C17orf58: variants seen among roughly 807,000 people sequenced by gnomAD.
The protein encoded by C17orf58 is UPF0450 protein C17orf58.
Under a neutral mutation model 7.4 loss-of-function variants are expected in C17orf58, and 5 were observed. The ratio of observed to expected loss-of-function variants is 0.67; its 90% CI spans 0.35 to 1.42. The LOEUF (loss-of-function observed/expected upper bound fraction) is 1.42, where lower values mean the gene tolerates loss of function less well. C17orf58 is among the 40% of genes most tolerant of loss of function. The pLI is 0.04. For synonymous variants in C17orf58, 60 were observed against 70.6 expected, an observed-to-expected ratio of 0.85 and a Z score of 0.75; for missense variants, 162 against 174.2, an observed-to-expected ratio of 0.93 and a Z score of 0.40.
At chr17:67,995,261 GT>G (rs1162995642) in intron 1 of C17orf58, among the ~76,000 whole-genome samples, 1 of 152,194 alleles carries the variant, frequency 6.6e-6, no homozygotes, top group Admixed American at 6.5e-5. Context: ...TTGTTAAACG[GT>G]TGTGCCATGC....
At chr17:67,994,111 G>A (rs1275394554) in intron 1 of C17orf58, 127 bp from the exon 2 acceptor site, 21 of 358,208 alleles carry the variant, frequency 5.9e-5, no homozygotes, top group Middle Eastern at 1.4e-3. Context: ...ACGGGAGGCC[G>A]AGAGGGGAAG....
chr17:67,995,652 G>C (rs1379926907), intron 1 of C17orf58, among the ~76,000 whole-genome samples: 6 of 152,222 alleles, frequency 3.9e-5, no homozygotes, highest in Non-Finnish European at 8.8e-5. Context: ...TGTGCGCTGG[G>C]GCTGCGGGGA....
chr17:67,994,535 T>TATATATATATATATATAAA (rs71142122), intron 1 of C17orf58, among the ~76,000 whole-genome samples: 1 of 100,306 alleles, frequency 1.0e-5, no homozygotes, highest in Non-Finnish European at 2.3e-5. Flanking sequence ...TATATATATA[T>TATATATATATATATATAAA]AAAACATATA....
At chr17:67,994,285 G>C (rs1275135686) in intron 1 of C17orf58, among the ~76,000 whole-genome samples, 3 of 151,670 alleles carry the variant, frequency 2.0e-5, no homozygotes, top group African/African-American at 7.3e-5. Flanking sequence ...GGGAGAACCC[G>C]GACGCAGCGT....
At chr17:67,994,514 GTGTA>G (rs2070874752) in intron 1 of C17orf58, among the ~76,000 whole-genome samples, 1 of 87,208 alleles carries the variant, frequency 1.1e-5, no homozygotes, top group Non-Finnish European at 2.6e-5. Context: ...GTGTGTGTGT[GTGTA>G]TATATATATA....
chr17:67,993,516 G>C lies in C17orf58; in HGVS notation c.545C>G (p.Pro182Arg), dbSNP rs1479329722. 1 of 383,740 alleles carries C rather than the reference G, an allele frequency of 2.6e-6. No individual in the cohort carries two copies. The highest frequency in any genetic ancestry group is 4.6e-6 in the Non-Finnish European group (1 of 217,140). 23.8% of individuals were successfully genotyped at this position (383,740 alleles called of 1,614,324 possible). ...AGCGCCGGGCTCCGCGTCCCTCTGC[G>C]GCGGGCTGAGGCCGAAGCTGAGGCT... ...RFSLSFGLSP[P>R]QRDAEPGAEP... The change falls in exon 2 of 4, where the codon CCG becomes CGG. Residue 182 changes from proline to arginine, a missense_variant. This residue lies in a region of C17orf58 where 93 missense variants were observed against 90.4 expected (regional missense o/e 1.03). Transcript: ENST00000580729. This position sits in a 1 kb window ranked among gnomAD's most constrained non-coding sequence, Gnocchi z 5.1.
chr17:67,994,086 G>C, intron 1 of C17orf58, 102 bp from the exon 2 acceptor site: 1 of 356,612 alleles, frequency 2.8e-6, no homozygotes, highest in Non-Finnish European at 5.0e-6. Context: ...GAAGAAGAGG[G>C]AAGGGGAGGC....
chr17:67,994,590 C>T (rs1401538647), intron 1 of C17orf58, among the ~76,000 whole-genome samples: 3 of 143,816 alleles, frequency 2.1e-5, no homozygotes, highest in African/African-American at 5.1e-5. Context: ...GAGAAAGTAC[C>T]AAGAGCAAAC....
In C17orf58 at chr17:67,994,516, G is replaced by GTGTGTATATATATA. The variant is rs1244199425; in HGVS notation, c.77-533_77-532insTATATATATACACA. On this transcript the variant is annotated intron_variant, in intron 1 of 3. Coordinates refer to ENST00000580729, the MANE Select transcript of C17orf58 (RefSeq NM_001382359.1). ...TGCGTGTGTGTGTGTGTGTGTGTGT[G>GTGTGTATATATATA]TATATATATATATATATATAAAACA... Among the ~76,000 whole-genome samples, 5 of 89,536 alleles carry GTGTGTATATATATA rather than the reference G, an allele frequency of 5.6e-5. 1 individual carries two copies. Among genetic ancestry groups the GTGTGTATATATATA allele is most frequent in the African/African-American group, 1.9e-4 (5 of 26,722 alleles). The allele number at this position is 89,536 out of a possible 152,430, so 58.7% of individuals were successfully genotyped here. A position where few individuals can be genotyped will look rare whatever the true frequency, so the allele number is the denominator to read the frequency against.
chr17:67,994,230 AAG>A (rs1313858014), intron 1 of C17orf58, among the ~76,000 whole-genome samples: 1 of 151,654 alleles, frequency 6.6e-6, no homozygotes, highest in Non-Finnish European at 1.5e-5. Flanking sequence ...AGGCACCTGC[AAG>A]AGGAGAGATG....
rs1555699618 is a variant in C17orf58, at chr17:67,994,516, G to GTATA, written c.77-536_77-533dup. On this transcript the variant is annotated intron_variant, in intron 1 of 3. Coordinates refer to ENST00000580729, the MANE Select transcript of C17orf58 (RefSeq NM_001382359.1). ...TGCGTGTGTGTGTGTGTGTGTGTGTGTATATATATATATATATATAAAACA... is the reference window on the plus strand; with the variant it reads ...TGCGTGTGTGTGTGTGTGTGTGTGTGTATATATATATATATATATATATAAAACA... Among the ~76,000 whole-genome samples the GTATA allele has an allele frequency of 2.4e-3, 212 of 89,526 alleles. 4 individuals carry two copies. The highest frequency in any genetic ancestry group is 7.3e-3 in the African/African-American group (195 of 26,712). 58.7% of individuals were successfully genotyped at this position (89,526 alleles called of 152,430 possible).
chr17:67,993,299 G>A lies in C17orf58; in HGVS notation c.638-64C>T. 8 of 1,109,514 alleles carry A rather than the reference G, an allele frequency of 7.2e-6. No homozygotes were observed. The Admixed American group carries it at 1.6e-4, about 22-fold the overall frequency. 68.7% of individuals were successfully genotyped at this position (1,109,514 alleles called of 1,614,324 possible). On this transcript the variant is annotated intron_variant, in intron 2 of 3. Transcript: ENST00000580729. This position sits in a 1 kb window ranked among gnomAD's most constrained non-coding sequence, Gnocchi z 5.1. The stretch of plus-strand genomic sequence containing the variant: ...GAGTTCCTCTCCCAGTCCCCCAGGA[G>A]GTGGTTTTTAGCAACCGCGAAACGG...
Position 67,993,266 on chromosome 17 carries a change from A to G in C17orf58, c.638-31T>C. 2.9e-6 allele frequency: 4 copies of G among 1,370,176 alleles called. No homozygotes were observed. In the South Asian group the frequency reaches 4.0e-5, roughly 14 times the overall value. The allele number at this position is 1,370,176 out of a possible 1,614,324, so 84.9% of individuals were successfully genotyped here. ...TCCGAAAAACAGTTTGGAGAAGAGC[A>G]TTACCCCGAGTTCCTCTCCCAGTCC... On this transcript the variant is annotated intron_variant, in intron 2 of 3. Transcript: ENST00000580729. This position sits in a 1 kb window ranked among gnomAD's most constrained non-coding sequence, Gnocchi z 5.1.
chr17:67,996,150 G>C lies in C17orf58; in HGVS notation c.49C>G (p.Pro17Ala). ...TTTCTCTCCGCCACCGGTGCTTCGGGGGATGATCCGACGATCAAACAGAGG... is the reference window on the plus strand; with the variant it reads ...TTTCTCTCCGCCACCGGTGCTTCGGCGGATGATCCGACGATCAAACAGAGG... The part of the protein sequence containing the change: ...WLLCLIVGSS[P>A]EAPVAERKTS... Residue 17 changes from proline to alanine, a missense_variant, in exon 1 of 4, where the codon CCC (proline) becomes GCC (alanine). By Grantham distance (27) the Pro-to-Ala change is conservative. Around this residue, in one of 3 missense-constraint regions of C17orf58, gnomAD observed 93 missense variants for 90.4 expected, o/e 1.03. Coordinates refer to ENST00000580729, the MANE Select transcript of C17orf58 (RefSeq NM_001382359.1). The C allele has an allele frequency of 7.5e-6, 3 of 398,872 alleles. No individual in the cohort carries two copies. In the East Asian group the frequency reaches 1.1e-4, roughly 14 times the overall value. 24.7% of individuals were successfully genotyped at this position (398,872 alleles called of 1,614,324 possible). A position where few individuals can be genotyped will look rare whatever the true frequency, so the allele number is the denominator to read the frequency against.
chr17:67,993,290 C>T lies in C17orf58; in HGVS notation c.638-55G>A. On this transcript the variant is annotated intron_variant, in intron 2 of 3. Transcript: ENST00000580729. The surrounding 1 kb of genome is among the most constrained non-coding windows in gnomAD (Gnocchi z 5.1). ...CATTACCCCGAGTTCCTCTCCCAGT[C>T]CCCCAGGAGGTGGTTTTTAGCAACC... 8.7e-7 allele frequency: 1 copy of T among 1,151,714 alleles called. No individual in the cohort carries two copies. Among genetic ancestry groups the T allele is most frequent in the Non-Finnish European group, 1.2e-6 (1 of 811,960 alleles). 71.3% of individuals were successfully genotyped at this position (1,151,714 alleles called of 1,614,324 possible). A position where few individuals can be genotyped will look rare whatever the true frequency, so the allele number is the denominator to read the frequency against.
chr17:67,994,997 A>C (rs1210932826), intron 1 of C17orf58, among the ~76,000 whole-genome samples: 2 of 152,150 alleles, frequency 1.3e-5, no homozygotes, highest in African/African-American at 4.8e-5. Context: ...GCACCTTTCC[A>C]TACCAGTTAC....
chr17:67,993,045 A>G lies in C17orf58; in HGVS notation c.828T>C (p.Pro276=). 2 of 1,614,204 alleles carry G rather than the reference A, an allele frequency of 1.2e-6. No homozygotes were observed. Among genetic ancestry groups the G allele is most frequent in the Non-Finnish European group, 1.7e-6 (2 of 1,180,032 alleles). Residue 276 remains proline, a splice_region_variant and synonymous_variant, in exon 3 of 4, where the codon CCT becomes CCC. Transcript: ENST00000580729. The surrounding 1 kb of genome is among the most constrained non-coding windows in gnomAD (Gnocchi z 5.1). ...CGTCATTCAGGTCAGTTTCAATACC[A>G]GGTTTAAACTCTGGACACGGCTTAT... is the stretch of plus-strand genomic sequence containing the variant. ...SCNKPCPEFK[P]GSRYIVMGHI... is the part of the protein sequence containing the mutation.
At chr17:67,996,058 C>T (rs1428081508) in intron 1 of C17orf58, 65 bp downstream of exon 1, 13 of 399,004 alleles carry the variant, frequency 3.3e-5, no homozygotes, top group African/African-American at 2.5e-4. Context: ...CACTGAGCCT[C>T]CTTCCCAGCT....
chr17:67,992,940 C>T (rs782525838), intron 3 of C17orf58, 104 bp downstream of exon 3: 1 of 1,614,132 alleles, frequency 6.2e-7, no homozygotes, highest in Non-Finnish European at 8.5e-7. Context: ...TTTCCCATCG[C>T]TCCCAAAAAA....
Sources: gnomAD v4.1 joint callset for allele counts (sites outside exome capture counted in the v4.1 genomes callset) on GRCh38, gnomAD v4.1.1 for gene constraint, gnomAD v4.1.1 regional missense constraint, Gnocchi (gnomAD v3.1) non-coding constraint, MANE v1.5 for transcripts, NCBI Gene and HGNC (gene_info 2026-07-23, HGNC 2026-07-21) for gene names.